Variants in DESI2 observed in about 807,000 individuals in gnomAD.
DESI2 encodes the protein desumoylating isopeptidase 2.
A neutral mutation model predicts 24.1 loss-of-function variants in DESI2; 10 were observed. That is an observed-to-expected ratio of 0.41 (90% CI 0.26 to 0.70). The LOEUF (loss-of-function observed/expected upper bound fraction) is 0.70, where lower values mean the gene tolerates loss of function less well. DESI2 is among the 30% of genes least tolerant of loss of function. The pLI is 0.29. For synonymous variants in DESI2, 71 were observed against 87.7 expected (o/e 0.81, Z 1.06); for missense variants, 122 against 234.9 (o/e 0.52, Z 3.14).
chr1:244,702,520 T>A (rs933257313), intron 4 of DESI2, among the ~76,000 whole-genome samples: 5 of 146,490 alleles, frequency 3.4e-5, no homozygotes, highest in South Asian at 2.1e-4. Context: ...TCTCAAAAAA[T>A]AAATAAATAA....
At chr1:244,667,911 A>C (rs1416632509) in intron 1 of DESI2, among the ~76,000 whole-genome samples, 14 of 152,194 alleles carry the variant, frequency 9.2e-5, no homozygotes. Flanking sequence ...TCATTGTGTG[A>C]TCTTGGTTAA....
chr1:244,660,490 C>CT (rs1284344124), intron 1 of DESI2, among the ~76,000 whole-genome samples: 2 of 152,166 alleles, frequency 1.3e-5, no homozygotes, highest in African/African-American at 4.8e-5. Context: ...ATGGGATGTA[C>CT]TTACACTTTC....
chr1:244,685,600 A>G (rs1259285269), intron 1 of DESI2, among the ~76,000 whole-genome samples: 1 of 152,214 alleles, frequency 6.6e-6, no homozygotes, highest in Non-Finnish European at 1.5e-5. Flanking sequence ...AAAAAACACA[A>G]CTGACTTGTT....
intron 1 of DESI2, among the ~76,000 whole-genome samples, chr1:244,680,927 AAAAG>A (rs1393021864): frequency 6.8e-6 from 1 of 147,896 alleles, no homozygotes; most frequent in African/African-American, 2.5e-5. Context: ...TTCTATTAAA[AAAAG>A]AGCTTTCCTC....
At chr1:244,700,598 T>C (rs566029777) in intron 4 of DESI2, among the ~76,000 whole-genome samples, 71 of 152,340 alleles carry the variant, frequency 4.7e-4, no homozygotes, top group Non-Finnish European at 7.2e-4. Context: ...TACTACTGAA[T>C]TGATAATTGT....
At chr1:244,670,320 A>G (rs867243062) in intron 1 of DESI2, among the ~76,000 whole-genome samples, 2 of 152,196 alleles carry the variant, frequency 1.3e-5, no homozygotes, top group Non-Finnish European at 2.9e-5. Context: ...ATTGTTTGCT[A>G]TTCATTTTGG....
intron 4 of DESI2, among the ~76,000 whole-genome samples, chr1:244,699,350 C>T (rs1325077194): frequency 6.6e-6 from 1 of 151,926 alleles, no homozygotes; most frequent in Non-Finnish European, 1.5e-5. Flanking sequence ...TTAGGAGGCC[C>T]AGGCAGGCAG....
chr1:244,678,223 T>G (rs2148796671), intron 1 of DESI2, among the ~76,000 whole-genome samples: 1 of 152,350 alleles, frequency 6.6e-6, no homozygotes, highest in African/African-American at 2.4e-5. Context: ...ACTGACCACA[T>G]TTGTGGATGG....
intron 1 of DESI2, among the ~76,000 whole-genome samples, chr1:244,661,051 A>C (rs1675821905): frequency 6.6e-6 from 1 of 152,186 alleles, no homozygotes; most frequent in African/African-American, 2.4e-5. Flanking sequence ...ATAACATAAA[A>C]TTTACGTTTT....
chr1:244,662,020 C>T (rs1482915671), intron 1 of DESI2, among the ~76,000 whole-genome samples: 1 of 152,170 alleles, frequency 6.6e-6, no homozygotes, highest in Admixed American at 6.5e-5. Flanking sequence ...GTTTACAGTC[C>T]CACAACAGTG....
intron 1 of DESI2, among the ~76,000 whole-genome samples, chr1:244,681,055 G>C (rs1676596871): frequency 3.3e-5 from 5 of 150,888 alleles, no homozygotes; most frequent in Admixed American, 3.3e-4. Flanking sequence ...CTTTTCCCAT[G>C]GTTGACTAAT....
chr1:244,686,504 A>C (rs1676829194), intron 1 of DESI2, 93 bp from the exon 2 acceptor site: 2 of 785,984 alleles, frequency 2.5e-6, no homozygotes, highest in Admixed American at 3.9e-5. Flanking sequence ...TGGGAGTTTC[A>C]GAGTGAAAGA....
chr1:244,663,898 G>C (rs926793040), intron 1 of DESI2, among the ~76,000 whole-genome samples: 4 of 151,830 alleles, frequency 2.6e-5, no homozygotes, highest in Admixed American at 2.6e-4. Context: ...GGCGCCTGTA[G>C]TCCCAGCTGC....
At chr1:244,695,216 A>T (rs1201904608) in intron 4 of DESI2, among the ~76,000 whole-genome samples, 3 of 151,994 alleles carry the variant, frequency 2.0e-5, no homozygotes, top group Non-Finnish European at 4.4e-5. Flanking sequence ...TCTTTCTGGA[A>T]CTCCCTTTTC....
intron 1 of DESI2, among the ~76,000 whole-genome samples, chr1:244,677,017 A>T (rs1676437856): frequency 6.7e-6 from 1 of 150,022 alleles, no homozygotes; most frequent in Non-Finnish European, 1.5e-5. Flanking sequence ...TTCATAATAG[A>T]TATTAGTCTC....
intron 2 of DESI2, 79 bp downstream of exon 2, chr1:244,686,748 T>C (rs2148805215): frequency 1.2e-6 from 1 of 856,010 alleles, no homozygotes; most frequent in East Asian, 2.5e-5. Flanking sequence ...ACTATAGGTC[T>C]CTCTTTTTTT....
intron 2 of DESI2, 31 bp downstream of exon 2, chr1:244,686,700 C>G (rs1558662277): frequency 4.2e-6 from 6 of 1,437,250 alleles, no homozygotes; most frequent in Non-Finnish European, 5.9e-6. Context: ...AATATACTCT[C>G]TGAAGATTTT....
intron 4 of DESI2, among the ~76,000 whole-genome samples, chr1:244,703,189 A>G (rs1403900542): frequency 6.6e-6 from 1 of 151,810 alleles, no homozygotes; most frequent in Non-Finnish European, 1.5e-5. Flanking sequence ...TTTAGTAGAG[A>G]TGAGGTTTCA....
At chr1:244,656,384 C>A (rs548945843) in intron 1 of DESI2, 1 of 152,322 alleles carries the variant, frequency 6.6e-6, no homozygotes, top group African/African-American at 2.4e-5. Context: ...TATTAACTTC[C>A]TTCTCATGGA....
Sources: gnomAD v4.1 joint callset for allele counts (sites outside exome capture counted in the v4.1 genomes callset) on GRCh38, gnomAD v4.1.1 for gene constraint, MANE v1.5 for transcripts, NCBI Gene and HGNC (gene_info 2026-07-23, HGNC 2026-07-21) for gene names.